Variants in CLINT1 observed in about 807,000 individuals in gnomAD.
CLINT1 encodes clathrin interactor 1, also known as clathrin interacting protein localized in the trans-Golgi region.
Under a neutral mutation model 70.4 loss-of-function variants are expected in CLINT1, and 15 were observed. The ratio of observed to expected loss-of-function variants is 0.21; its 90% CI spans 0.14 to 0.33. The LOEUF (loss-of-function observed/expected upper bound fraction) is 0.33. Ranked by LOEUF, CLINT1 falls within the 10% of genes least tolerant of loss-of-function variation. The pLI is 1.00. For missense variants in CLINT1, 615 were observed against 778.1 expected (o/e 0.79, Z 2.49); for synonymous variants, 227 against 254.7 (o/e 0.89, Z 1.04).
At chr5:157,823,707 A>C (rs904400684) in intron 1 of CLINT1, 2 of 651,308 alleles carry the variant, frequency 3.1e-6, no homozygotes, top group African/African-American at 4.0e-5. Flanking sequence ...TATTAAGTAT[A>C]AATCTTCTTA....
chr5:157,857,784 GA>G (rs1561682404), intron 1 of CLINT1, among the ~76,000 whole-genome samples: 3 of 152,196 alleles, frequency 2.0e-5, no homozygotes. Flanking sequence ...TGGTAGCACA[GA>G]AAATATAAAA....
intron 9 of CLINT1, among the ~76,000 whole-genome samples, chr5:157,793,405 T>C (rs555353167): frequency 3.3e-4 from 50 of 152,300 alleles, no homozygotes; most frequent in African/African-American, 1.2e-3. Flanking sequence ...ATATCTGAAA[T>C]GATTAATCGT....
At chr5:157,788,534 A>C (rs1761797265) in intron 11 of CLINT1, among the ~76,000 whole-genome samples, 1 of 152,250 alleles carries the variant, frequency 6.6e-6, no homozygotes, top group Non-Finnish European at 1.5e-5. Flanking sequence ...TAGCAAGGGA[A>C]ATCATACACT....
chr5:157,799,418 C>T lies in CLINT1; in HGVS notation c.1012+4232G>A, dbSNP rs550176034. 9.4e-4 allele frequency among the ~76,000 whole-genome samples: 143 copies of T among 152,028 alleles called. No homozygotes were observed. In the Middle Eastern group the frequency reaches 0.034, roughly 36 times the overall value. On this transcript the variant is annotated intron_variant, in intron 8 of 11. Transcript: ENST00000411809. ...AATACACATTTCGGATTTGATATAC[C>T]TTAATCCTTTTAAATGTTTCTTTTT... is the stretch of plus-strand genomic sequence containing the variant.
At chr5:157,811,096 G>T (rs1467087618) in intron 5 of CLINT1, among the ~76,000 whole-genome samples, 1 of 152,156 alleles carries the variant, frequency 6.6e-6, no homozygotes, top group African/African-American at 2.4e-5. Flanking sequence ...CAACAACAGT[G>T]TGATGAACCA....
At chr5:157,854,322 G>A (rs996322781) in intron 1 of CLINT1, among the ~76,000 whole-genome samples, 3 of 152,204 alleles carry the variant, frequency 2.0e-5, no homozygotes, top group Non-Finnish European at 2.9e-5. Flanking sequence ...AATGGCTCCC[G>A]CCTGTAATCC....
At chr5:157,825,032 T>A (rs1224837851) in intron 1 of CLINT1, among the ~76,000 whole-genome samples, 1 of 152,114 alleles carries the variant, frequency 6.6e-6, no homozygotes, top group African/African-American at 2.4e-5. Context: ...ATGTCTCTCC[T>A]CTTAAACATG....
At chr5:157,830,790 C>CTA (rs1354149727) in intron 1 of CLINT1, among the ~76,000 whole-genome samples, 282 of 124,132 alleles carry the variant, frequency 2.3e-3, no homozygotes, top group Admixed American at 7.5e-3. Flanking sequence ...CTCTCTCTCT[C>CTA]TCTCTCTATA....
In CLINT1 at chr5:157,789,419, C is replaced by G; in HGVS notation, c.1475G>C (p.Gly492Ala). ...CTGCTGGGGTTTGGAAGGCTGCATA[C>G]CAGGTAGTAAGTTGTCTAGGCTGAT... ...VNISLDNLLP[G>A]MQPSKPQQPS... is the part of the protein sequence containing the mutation. The change falls in exon 11 of 12, where the codon GGT becomes GCT. Residue 492 changes from glycine to alanine, a missense_variant. Physicochemically the swap from Gly to Ala is moderately conservative, Grantham distance 60. Coordinates refer to ENST00000411809, the MANE Select transcript of CLINT1 (RefSeq NM_014666.4). 1 of 1,613,866 alleles carries G rather than the reference C, an allele frequency of 6.2e-7. No homozygotes were observed. The highest frequency in any genetic ancestry group is 8.5e-7 in the Non-Finnish European group (1 of 1,179,848).
intron 7 of CLINT1, among the ~76,000 whole-genome samples, chr5:157,804,922 G>A (rs531124737): frequency 7.1e-5 from 10 of 140,886 alleles, no homozygotes; most frequent in Non-Finnish European, 1.4e-4. Context: ...AGCGAAACTC[G>A]GTCTTCCAAA....
intron 8 of CLINT1, among the ~76,000 whole-genome samples, chr5:157,803,333 G>A (rs1207181864): frequency 6.6e-6 from 1 of 152,122 alleles, no homozygotes; most frequent in African/African-American, 2.4e-5. Flanking sequence ...CAGGTATGAG[G>A]AGTCATTAAA....
intron 1 of CLINT1, among the ~76,000 whole-genome samples, chr5:157,831,027 G>C (rs989080866): frequency 6.7e-6 from 1 of 150,002 alleles, no homozygotes; most frequent in Non-Finnish European, 1.5e-5. Flanking sequence ...CTAGATGACA[G>C]AACAAGACCC....
At chr5:157,813,838 C>A (rs1251951104) in intron 4 of CLINT1, among the ~76,000 whole-genome samples, 2 of 152,168 alleles carry the variant, frequency 1.3e-5, no homozygotes, top group South Asian at 2.1e-4. Context: ...GGGAAAAAAA[C>A]CCCAGCTTCA....
intron 1 of CLINT1, among the ~76,000 whole-genome samples, chr5:157,840,835 G>A (rs114851674): frequency 0.027 from 4,037 of 151,830 alleles, 85 homozygotes; most frequent in South Asian, 0.037. Context: ...CCAGGAGTTC[G>A]GAGTTCGAGA....
chr5:157,819,243 T>C (rs536592192), intron 1 of CLINT1, among the ~76,000 whole-genome samples: 1 of 152,318 alleles, frequency 6.6e-6, no homozygotes, highest in Non-Finnish European at 1.5e-5. Flanking sequence ...TGAATCAATC[T>C]GGCTTTCAGA....
intron 8 of CLINT1, chr5:157,795,935 G>T (rs1012467013): frequency 6.6e-6 from 1 of 152,372 alleles, no homozygotes; most frequent in African/African-American, 2.4e-5. Flanking sequence ...GGAGGCTGAG[G>T]TGGGAGGACT....
At chr5:157,789,297 T>C (rs1456265839) in intron 11 of CLINT1, 66 bp downstream of exon 11, 2 of 1,301,962 alleles carry the variant, frequency 1.5e-6, no homozygotes, top group African/African-American at 2.9e-5. Context: ...TAGTTTGAAG[T>C]AGTCCTGGCA....
intron 1 of CLINT1, among the ~76,000 whole-genome samples, chr5:157,840,542 TCTA>T (rs1406015374): frequency 1.3e-5 from 2 of 151,178 alleles, no homozygotes; most frequent in African/African-American, 4.9e-5. Flanking sequence ...ATGTATATAA[TCTA>T]CTTTCAAATG....
chr5:157,809,814 A>T lies in CLINT1; in HGVS notation c.518-9T>A. ...AGGATCATATCTTTCACCTAGATAG[A>T]GCATTAAAAAAAGAAGCAATTCTAA... On this transcript the variant is annotated splice_polypyrimidine_tract_variant and intron_variant, in intron 5 of 11. Coordinates refer to ENST00000411809, the MANE Select transcript of CLINT1 (RefSeq NM_014666.4). 1 of 1,604,580 alleles carries T rather than the reference A, an allele frequency of 6.2e-7. No individual in the cohort carries two copies. The highest frequency in any genetic ancestry group is 8.5e-7 in the Non-Finnish European group (1 of 1,176,828).
Sources: gnomAD v4.1 joint callset for allele counts (sites outside exome capture counted in the v4.1 genomes callset) on GRCh38, gnomAD v4.1.1 for gene constraint, MANE v1.5 for transcripts, NCBI Gene and HGNC (gene_info 2026-07-23, HGNC 2026-07-21) for gene names.